Variants in NRG1 observed in about 807,000 individuals in gnomAD.
The protein encoded by NRG1 is neuregulin 1, also known as pro-neuregulin-1, membrane-bound isoform.
Under a neutral mutation model 63.8 loss-of-function variants are expected in NRG1, and 18 were observed. That is an observed-to-expected ratio of 0.28 (90% CI 0.19 to 0.42). The LOEUF is 0.42. Among genes scored for constraint, NRG1 ranks in the 10% least tolerant of loss-of-function variants. The pLI is 1.00. For synonymous variants in NRG1, 302 were observed against 301.3 expected, an observed-to-expected ratio of 1.00 and a Z score of -0.02; for missense variants, 762 against 814.7, an observed-to-expected ratio of 0.94 and a Z score of 0.79.
At chr8:31,884,490 A>T (rs1438809213) in intron 1 of NRG1, among the ~76,000 whole-genome samples, 1 of 152,092 alleles carries the variant, frequency 6.6e-6, no homozygotes, top group Non-Finnish European at 1.5e-5. Flanking sequence ...TCAAGCATCA[A>T]TTCCTGTAAG....
intron 1 of NRG1, among the ~76,000 whole-genome samples, chr8:32,050,440 T>C (rs1454558762): frequency 6.6e-6 from 1 of 152,084 alleles, no homozygotes; most frequent in Non-Finnish European, 1.5e-5. Context: ...ACAACTAGTA[T>C]TTTTTTAATC....
chr8:31,951,281 T>G (rs1803420683), intron 1 of NRG1, among the ~76,000 whole-genome samples: 1 of 152,212 alleles, frequency 6.6e-6, no homozygotes, highest in Non-Finnish European at 1.5e-5. Context: ...TAGAGGATTT[T>G]CTTTCCACCT....
intron 1 of NRG1, among the ~76,000 whole-genome samples, chr8:32,391,824 G>T (rs1271904026): frequency 6.6e-6 from 1 of 152,076 alleles, no homozygotes; most frequent in Non-Finnish European, 1.5e-5. Flanking sequence ...ATAACCCACA[G>T]AATCACTAAG....
chr8:31,928,352 T>TAAAAAAAA (rs77001238), intron 1 of NRG1, among the ~76,000 whole-genome samples: 18 of 80,116 alleles, frequency 2.2e-4, no homozygotes, highest in African/African-American at 8.9e-4. Flanking sequence ...ATGGATGTGG[T>TAAAAAAAA]AAAAAAAAAA....
rs920025239 is a variant in NRG1 at position 32,723,526 on chromosome 8, A to G, written c.503-4423A>G. ...GAAACCCCCTCTCTACTAAAATGCC[A>G]AAAAAAAAAATTAGCCGGGTGTGGT... On this transcript the variant is annotated intron_variant, in intron 5 of 11. Transcript: ENST00000356819. 6.9e-5 allele frequency among the ~76,000 whole-genome samples: 10 copies of G among 145,706 alleles called. No homozygotes were observed. The East Asian group carries it at 2.0e-3, about 29-fold the overall frequency.
At chr8:32,764,100 C>A (rs746595961) in exon 12 of NRG1, 2 of 1,614,000 alleles carry the variant, frequency 1.2e-6, no homozygotes, top group Non-Finnish European at 1.7e-6. Flanking sequence ...TGTTAAGAAA[C>A]TCGCCAATAG....
intron 1 of NRG1, among the ~76,000 whole-genome samples, chr8:31,855,315 GT>G (rs1827738739): frequency 6.6e-6 from 1 of 152,110 alleles, no homozygotes; most frequent in Non-Finnish European, 1.5e-5. Flanking sequence ...GTGCATATAT[GT>G]TTAGGATAGT....
intron 5 of NRG1, among the ~76,000 whole-genome samples, chr8:32,636,182 C>T (rs1346581032): frequency 6.6e-6 from 1 of 151,994 alleles, no homozygotes; most frequent in Non-Finnish European, 1.5e-5. Context: ...TTAAGTTAAG[C>T]CGTTCCTTTC....
At chr8:32,725,486 T>A (rs1821885555) in intron 5 of NRG1, among the ~76,000 whole-genome samples, 1 of 139,626 alleles carries the variant, frequency 7.2e-6, no homozygotes, top group Non-Finnish European at 1.5e-5. Flanking sequence ...TTTTTTTTTT[T>A]TTTTTTTGAG....
intron 1 of NRG1, among the ~76,000 whole-genome samples, chr8:32,263,747 A>C (rs1026604420): frequency 6.6e-6 from 1 of 152,110 alleles, no homozygotes; most frequent in African/African-American, 2.4e-5. Context: ...GCCCCATATA[A>C]ATCCCCACAC....
intron 1 of NRG1, among the ~76,000 whole-genome samples, chr8:31,700,163 G>T (rs2131183706): frequency 6.6e-6 from 1 of 152,258 alleles, no homozygotes; most frequent in Admixed American, 6.5e-5. Flanking sequence ...GCAGGATGGG[G>T]TGGGAATGAG....
chr8:32,660,394 GGAA>G (rs1802557005), intron 5 of NRG1, among the ~76,000 whole-genome samples: 2 of 152,182 alleles, frequency 1.3e-5, no homozygotes, highest in Admixed American at 1.3e-4. Flanking sequence ...GAGTGGAAGA[GGAA>G]GAAAATAATC....
At chr8:31,974,952 A>G (rs1307974512) in intron 1 of NRG1, among the ~76,000 whole-genome samples, 1 of 152,160 alleles carries the variant, frequency 6.6e-6, no homozygotes, top group Non-Finnish European at 1.5e-5. Context: ...TTCATGTCGC[A>G]GGGCACCTGA....
chr8:32,160,096 A>T (rs1277051378), intron 1 of NRG1, among the ~76,000 whole-genome samples: 1 of 152,154 alleles, frequency 6.6e-6, no homozygotes, highest in Non-Finnish European at 1.5e-5. Context: ...TAGTGGGATG[A>T]TGAAGGATGG....
exon 11 of NRG1, chr8:32,760,257 G>T (rs373062517): frequency 1.9e-6 from 3 of 1,614,084 alleles, no homozygotes; most frequent in Non-Finnish European, 2.5e-6. Context: ...TAATCGTGAT[G>T]TCATCCGTAG....
intron 1 of NRG1, among the ~76,000 whole-genome samples, chr8:32,197,214 G>C (rs541744546): frequency 1.3e-5 from 2 of 151,702 alleles, no homozygotes; most frequent in Non-Finnish European, 2.9e-5. Context: ...TGCCCGCCTC[G>C]GCCTCCCAAA....
chr8:32,267,412 AG>A (rs1217161716), intron 1 of NRG1, among the ~76,000 whole-genome samples: 1 of 152,220 alleles, frequency 6.6e-6, no homozygotes, highest in African/African-American at 2.4e-5. Context: ...CCCCTGGCTT[AG>A]ATGTAGTTGT....
At chr8:32,002,191 T>G in intron 1 of NRG1, among the ~76,000 whole-genome samples, 1 of 151,812 alleles carries the variant, frequency 6.6e-6, no homozygotes, top group East Asian at 2.0e-4. Context: ...GCCCAGCAAA[T>G]TTTTGTATTT....
chr8:32,740,493 G>T (rs569592217), intron 6 of NRG1, among the ~76,000 whole-genome samples: 3 of 151,986 alleles, frequency 2.0e-5, no homozygotes, highest in Non-Finnish European at 4.4e-5. Context: ...CACTGCGCCC[G>T]GCCAAGCTTA....
Sources: gnomAD v4.1 joint callset for allele counts (sites outside exome capture counted in the v4.1 genomes callset) on GRCh38, gnomAD v4.1.1 for gene constraint, MANE v1.5 for transcripts, NCBI Gene and HGNC (gene_info 2026-07-23, HGNC 2026-07-21) for gene names.